The following IQCE variants were observed in gnomAD, a reference collection of about 807,000 sequenced individuals.
IQCE encodes IQ domain-containing protein E.
In IQCE, 115 loss-of-function variants were observed where a neutral mutation model predicts 96.0. The ratio of observed to expected loss-of-function variants is 1.20; its 90% confidence interval spans 1.03 to 1.40. The LOEUF (loss-of-function observed/expected upper bound fraction) is 1.40. IQCE is among the 40% of genes most tolerant of loss of function. IQCE has a pLI of 0.00. For missense variants in IQCE, 1,041 were observed against 909.1 expected (o/e 1.15, Z -1.87); for synonymous variants, 412 against 371.2 (o/e 1.11, Z -1.26).
chr7:2,563,097 T>G (rs967395415), intron 1 of IQCE, among the ~76,000 whole-genome samples: 9 of 152,098 alleles, frequency 5.9e-5, no homozygotes, highest in Admixed American at 3.9e-4. Flanking sequence ...GGCGAATTTT[T>G]TAATTTTTTG....
In IQCE at chr7:2,604,300, G is replaced by A. The variant is rs144361369; in HGVS notation, c.1633-581G>A. Among the ~76,000 whole-genome samples, 1,364 of 152,078 alleles carry A rather than the reference G, an allele frequency of 9.0e-3. 13 individuals carry two copies. Among genetic ancestry groups the A allele is most frequent in the Non-Finnish European group, 0.014 (974 of 67,968 alleles). On this transcript the variant is annotated intron_variant, in intron 18 of 21. Coordinates refer to ENST00000402050, the MANE Select transcript of IQCE (RefSeq NM_152558.5). Reference sequence around the variant, plus strand: ...TGCCCAGCTAATTTTCTGTAGAGACGAGGTCTTGCTGTGTTGCCCGGGCTG... The same window carrying A: ...TGCCCAGCTAATTTTCTGTAGAGACAAGGTCTTGCTGTGTTGCCCGGGCTG...
At chr7:2,573,349 T>C (rs980169779) in intron 5 of IQCE, 69 bp from the exon 6 acceptor site, 46 of 786,344 alleles carry the variant, frequency 5.8e-5, no homozygotes, top group Non-Finnish European at 8.7e-5. Context: ...AGGTTTTCCT[T>C]AAAGTATAGC....
chr7:2,580,731 A>G (rs1286178909), intron 8 of IQCE, among the ~76,000 whole-genome samples: 1 of 152,214 alleles, frequency 6.6e-6, no homozygotes, highest in East Asian at 1.9e-4. Flanking sequence ...TTAGAATAAA[A>G]AAAAAGAAAG....
chr7:2,582,483 G>A lies in IQCE; in HGVS notation c.631-97G>A, dbSNP rs142462594. ...AGAGCACAGCGCTGGAGGGAGGAAG[G>A]ACAGTGAGGTGTGCCGGTGCTCTGG... On this transcript the variant is annotated intron_variant, in intron 8 of 21. Transcript: ENST00000402050. 1.8e-4 allele frequency: 176 copies of A among 961,346 alleles called. 1 individual carries two copies. In the African/African-American group the frequency reaches 2.3e-3, roughly 13 times the overall value. 59.6% of individuals were successfully genotyped at this position (961,346 alleles called of 1,614,324 possible).
chr7:2,600,103 T>C (rs1273863379), intron 17 of IQCE, among the ~76,000 whole-genome samples: 2 of 152,204 alleles, frequency 1.3e-5, no homozygotes, highest in African/African-American at 2.4e-5. Flanking sequence ...CTTTTTTTTT[T>C]TCTTTTCAAA....
Position 2,610,209 on chromosome 7 carries a change from A to G in IQCE, c.*47A>G, listed in dbSNP as rs777602029. The G allele has an allele frequency of 3.7e-6, 4 of 1,085,714 alleles. No homozygotes were observed. Among genetic ancestry groups the G allele is most frequent in the South Asian group, 1.2e-5 (1 of 80,324 alleles). The allele number at this position is 1,085,714 out of a possible 1,614,324, so 67.3% of individuals were successfully genotyped here. On this transcript the variant is annotated 3_prime_UTR_variant, in exon 22 of 22. Coordinates refer to ENST00000402050, the MANE Select transcript of IQCE (RefSeq NM_152558.5). ...CCGTGATGGCAGCGCTGCCGAGGAC[A>G]TAGGAACCACGACTGGAAAGATAAT...
At chr7:2,589,669 C>G (rs1445969789) in intron 13 of IQCE, among the ~76,000 whole-genome samples, 1 of 152,152 alleles carries the variant, frequency 6.6e-6, no homozygotes, top group Non-Finnish European at 1.5e-5. Context: ...CTGCCTGCGC[C>G]CTGGCTTGGC....
chr7:2,578,281 A>T lies in IQCE; in HGVS notation c.505A>T (p.Thr169Ser). 1 of 1,613,868 alleles carries T rather than the reference A, an allele frequency of 6.2e-7. No individual in the cohort carries two copies. Among genetic ancestry groups the T allele is most frequent in the Non-Finnish European group, 8.5e-7 (1 of 1,179,904 alleles). Residue 169 changes from threonine (T) to serine (S), a missense_variant, in exon 7 of 22, where the codon ACG becomes TCG. Coordinates refer to ENST00000402050, the MANE Select transcript of IQCE (RefSeq NM_152558.5). ...VQKSDVDLMRTKLRRLEEENS... is the reference protein window; with the variant it reads ...VQKSDVDLMRSKLRRLEEENS... ...GAAGAGCGACGTGGACCTGATGAGA[A>T]CGAAGCTCCGGCGCCTGGAGGAGGA...
chr7:2,570,098 A>G (rs1306317824), intron 3 of IQCE, among the ~76,000 whole-genome samples: 1 of 152,132 alleles, frequency 6.6e-6, no homozygotes, highest in African/African-American at 2.4e-5. Context: ...TTTTTCTCCA[A>G]GGCCTGGTCA....
chr7:2,577,409 G>A (rs1382881641), intron 6 of IQCE, among the ~76,000 whole-genome samples: 1 of 140,774 alleles, frequency 7.1e-6, no homozygotes, highest in East Asian at 2.2e-4. Flanking sequence ...GGCTGTGCGC[G>A]CGGGGACGTG....
intron 3 of IQCE, among the ~76,000 whole-genome samples, chr7:2,571,070 T>G (rs942576745): frequency 6.6e-6 from 1 of 152,246 alleles, no homozygotes; most frequent in Non-Finnish European, 1.5e-5. Flanking sequence ...CAGGCTGGAA[T>G]GCAGTGGCAT....
chr7:2,594,745 G>T, intron 15 of IQCE, 141 bp from the exon 16 acceptor site: 1 of 687,868 alleles, frequency 1.5e-6, no homozygotes, highest in East Asian at 2.5e-5. Flanking sequence ...GTGGCTCAGG[G>T]AGACATGGCC....
chr7:2,582,732 C>A, intron 9 of IQCE, 82 bp downstream of exon 9: 2 of 1,259,504 alleles, frequency 1.6e-6, no homozygotes, highest in South Asian at 1.3e-5. Context: ...TCCTCCCCCA[C>A]CCCGTCCTGT....
chr7:2,609,025 T>G (rs1035050618), intron 21 of IQCE, among the ~76,000 whole-genome samples: 2 of 152,224 alleles, frequency 1.3e-5, no homozygotes, highest in Non-Finnish European at 2.9e-5. Context: ...GTTCATTACT[T>G]TTTTACTTTC....
Position 2,611,478 on chromosome 7 carries a change from C to T in IQCE, c.*1316C>T, listed in dbSNP as rs1785103240. On this transcript the variant is annotated 3_prime_UTR_variant, in exon 22 of 22. Coordinates refer to ENST00000402050, the MANE Select transcript of IQCE (RefSeq NM_152558.5). ...CCGTCCACGGGGACAGGCTTAACCC[C>T]TGGGCGCCTTTTCTGCAGCATGGCG... is the stretch of plus-strand genomic sequence containing the variant. The T allele has an allele frequency of 1.3e-5, 2 of 152,294 alleles. No homozygotes were observed. The highest frequency in any genetic ancestry group is 2.4e-5 in the African/African-American group (1 of 41,462). 9.4% of individuals were successfully genotyped at this position (152,294 alleles called of 1,614,324 possible).
In IQCE at chr7:2,614,511, A is replaced by C. The variant is rs963674273; in HGVS notation, c.*4349A>C. ...CGGCTGGGTAAGCACCCTTAAAAGC[A>C]ACAGAAATGACGTCTGGAAGCTGAA... On this transcript the variant is annotated 3_prime_UTR_variant, in exon 22 of 22. Coordinates refer to ENST00000402050, the MANE Select transcript of IQCE (RefSeq NM_152558.5). 6.6e-6 allele frequency: 1 copy of C among 152,256 alleles called. No homozygotes were observed. Among genetic ancestry groups the C allele is most frequent in the African/African-American group, 2.4e-5 (1 of 41,464 alleles). 9.4% of individuals were successfully genotyped at this position (152,256 alleles called of 1,614,324 possible).
chr7:2,596,279 G>A (rs1784032227), intron 16 of IQCE, among the ~76,000 whole-genome samples: 1 of 149,430 alleles, frequency 6.7e-6, no homozygotes, highest in Non-Finnish European at 1.5e-5. Flanking sequence ...AGAAAAGAAA[G>A]AGAGAAAGAG....
chr7:2,592,668 C>G (rs1197228345), intron 14 of IQCE, among the ~76,000 whole-genome samples: 1 of 152,264 alleles, frequency 6.6e-6, no homozygotes, highest in Non-Finnish European at 1.5e-5. Context: ...CAGGCCCCTG[C>G]CCCATTCACG....
In IQCE at chr7:2,610,116, A is replaced by G; in HGVS notation, c.2042A>G (p.Asp681Gly). 1 of 1,613,248 alleles carries G rather than the reference A, an allele frequency of 6.2e-7. No homozygotes were observed. The highest frequency in any genetic ancestry group is 8.5e-7 in the Non-Finnish European group (1 of 1,179,278). Reference sequence around the variant, plus strand: ...GACGTCAACTCCGATGATTCCGACGATATTGTCATTGCACCGTCTCTGCCC... The same window carrying G: ...GACGTCAACTCCGATGATTCCGACGGTATTGTCATTGCACCGTCTCTGCCC... The part of the protein sequence containing the change: ...GDDVNSDDSD[D>G]IVIAPSLPTK... The change falls in exon 22 of 22, where the codon GAT becomes GGT. Residue 681 changes from aspartate (D) to glycine (G), a missense_variant. By Grantham distance (94) the Asp-to-Gly change is moderately conservative. Coordinates refer to ENST00000402050, the MANE Select transcript of IQCE (RefSeq NM_152558.5).
Sources: gnomAD v4.1 joint callset for allele counts (sites outside exome capture counted in the v4.1 genomes callset) on GRCh38, gnomAD v4.1.1 for gene constraint, MANE v1.5 for transcripts, NCBI Gene and HGNC (gene_info 2026-07-23, HGNC 2026-07-21) for gene names.